POLR2F: variants seen among roughly 807,000 people sequenced by gnomAD.
POLR2F encodes DNA-directed RNA polymerases I, II, and III subunit RPABC2.
A neutral mutation model predicts 22.7 loss-of-function variants in POLR2F; 12 were observed. That is an observed-to-expected ratio of 0.53 (90% CI 0.34 to 0.86). The LOEUF is 0.86. Ranked by LOEUF, POLR2F falls within the 40% of genes least tolerant of loss-of-function variation. The pLI is 0.02. For missense variants in POLR2F, 126 were observed against 171.5 expected, an observed-to-expected ratio of 0.73 and a Z score of 1.48; for synonymous variants, 57 against 66.0, an observed-to-expected ratio of 0.86 and a Z score of 0.66.
chr22:38,007,430 G>A (rs1201186226), intron 1 of POLR2F, among the ~76,000 whole-genome samples: 2 of 152,310 alleles, frequency 1.3e-5, no homozygotes, highest in African/African-American at 2.4e-5. Context: ...ATGTCAGGGG[G>A]CAAGGTTCCA....
downstream of POLR2F, among the ~76,000 whole-genome samples, chr22:38,029,558 C>G (rs889108471): frequency 6.6e-6 from 1 of 152,198 alleles, no homozygotes; most frequent in African/African-American, 2.4e-5. Context: ...ATGGAGGCAG[C>G]ACCTGGGATG....
chr22:38,035,219 T>G (rs1335101744), intron 5 of POLR2F, among the ~76,000 whole-genome samples: 2 of 152,230 alleles, frequency 1.3e-5, no homozygotes, highest in Non-Finnish European at 2.9e-5. Context: ...TGGTGGGTTA[T>G]TCTGTAAATG....
At chr22:37,972,277 T>G (rs1195429684), downstream of POLR2F, 1 of 1,298,188 alleles carries the variant, frequency 7.7e-7, no homozygotes, top group Non-Finnish European at 1.0e-6. Flanking sequence ...GGATAAGAGA[T>G]GAAGAGACAG....
chr22:37,969,583 C>G (rs1412443140), downstream of POLR2F, among the ~76,000 whole-genome samples: 1 of 152,166 alleles, frequency 6.6e-6, no homozygotes, highest in Non-Finnish European at 1.5e-5. Context: ...CCCCTGCTCC[C>G]CACTGTGCCA....
At chr22:37,986,011 A>C (rs1490267519), upstream of POLR2F, 12 of 1,311,908 alleles carry the variant, frequency 9.1e-6, no homozygotes, top group East Asian at 2.9e-5. The surrounding 1 kb of genome is among the most constrained non-coding windows in gnomAD (Gnocchi z 4.7). Context: ...GGCGCTGCCA[A>C]CCCTCCTCCC....
Position 37,974,730 on chromosome 22 carries a change from G to T in POLR2F, c.293+7560G>T, listed in dbSNP as rs372001255. Among the ~76,000 whole-genome samples the T allele has an allele frequency of 2.0e-5, 3 of 152,250 alleles. No homozygotes were observed. Among genetic ancestry groups the T allele is most frequent in the African/African-American group, 7.2e-5 (3 of 41,534 alleles). ...TCTCAAATCTTAGGGATGGGTCCTG[G>T]GGAGGCCTGCCTCATTCTGAAAAAA... On this transcript the variant is annotated intron_variant, in intron 4 of 4. Transcript: ENST00000405557. This position sits in a 1 kb window ranked among gnomAD's most constrained non-coding sequence, Gnocchi z 5.4.
At position 37,953,715 on chromosome 22, in the gene POLR2F, G is replaced by C. The variant is rs770285284; in HGVS notation, c.-73G>C. On this transcript the variant is annotated 5_prime_UTR_variant, in exon 1 of 5. Transcript: ENST00000442738. ...GCGCAAGATAAGCTAGGAGCCGCGC[G>C]AGTCGTAGTGTCGCTGTTTGCGGGT... 1.3e-4 allele frequency: 198 copies of C among 1,554,988 alleles called. No homozygotes were observed. Among genetic ancestry groups the C allele is most frequent in the Non-Finnish European group, 1.7e-4 (194 of 1,149,280 alleles).
chr22:38,020,969 T>C (rs550661532), intron 1 of POLR2F, among the ~76,000 whole-genome samples: 16 of 152,334 alleles, frequency 1.1e-4, no homozygotes, highest in Non-Finnish European at 2.1e-4. Context: ...GTGTGCTGCC[T>C]GGTGTGAGGC....
chr22:37,983,788 G>GC (rs1569171409), upstream of POLR2F: 3 of 1,432,896 alleles, frequency 2.1e-6, no homozygotes, highest in Admixed American at 2.5e-5. The surrounding 1 kb of genome is among the most constrained non-coding windows in gnomAD (Gnocchi z 9.5). Flanking sequence ...CCGCCATGTC[G>GC]CCCCCGGCCG....
chr22:37,968,831 G>T lies in POLR2F; in HGVS notation c.*1116G>T, dbSNP rs990995993. ...TAGGTGCAGCCTGGCCCTGGGATGGGATGTGGGGAGTGAATGGTGAGGATC... is the reference window on the plus strand; with the variant it reads ...TAGGTGCAGCCTGGCCCTGGGATGGTATGTGGGGAGTGAATGGTGAGGATC... On this transcript the variant is annotated 3_prime_UTR_variant, in exon 5 of 5. Transcript: ENST00000442738. The T allele has an allele frequency of 6.1e-6, 6 of 985,498 alleles. No individual in the cohort carries two copies. The African/African-American group carries it at 1.0e-4, about 17-fold the overall frequency. The allele number at this position is 985,498 out of a possible 1,614,324, so 61.0% of individuals were successfully genotyped here. A position where few individuals can be genotyped will look rare whatever the true frequency, so the allele number is the denominator to read the frequency against.
chr22:38,035,545 C>T (rs1229154078), intron 5 of POLR2F, among the ~76,000 whole-genome samples: 3 of 152,172 alleles, frequency 2.0e-5, no homozygotes, highest in Non-Finnish European at 4.4e-5. Flanking sequence ...CTCGTGTCCT[C>T]GGGGCCATGC....
chr22:38,033,520 C>T (rs1200836566), intron 5 of POLR2F, among the ~76,000 whole-genome samples: 1 of 152,362 alleles, frequency 6.6e-6, no homozygotes, highest in African/African-American at 2.4e-5. Context: ...GCTGGGAACT[C>T]CAGGACCAAT....
At chr22:38,003,469 C>T (rs1311372936) in intron 1 of POLR2F, among the ~76,000 whole-genome samples, 1 of 151,888 alleles carries the variant, frequency 6.6e-6, no homozygotes, top group Non-Finnish European at 1.5e-5. Flanking sequence ...TCAAGTGATC[C>T]GCCCACCTCG....
At chr22:38,023,312 T>C (rs1480454720) in intron 1 of POLR2F, among the ~76,000 whole-genome samples, 1 of 152,162 alleles carries the variant, frequency 6.6e-6, no homozygotes, top group African/African-American at 2.4e-5. Context: ...CAGCATCTGC[T>C]TGAAGGACGT....
In POLR2F at chr22:37,969,254, C is replaced by G; in HGVS notation, c.*1539C>G. 1 of 985,122 alleles carries G rather than the reference C, an allele frequency of 1.0e-6. No individual in the cohort carries two copies. The highest frequency in any genetic ancestry group is 1.2e-6 in the Non-Finnish European group (1 of 829,660). 61.0% of individuals were successfully genotyped at this position (985,122 alleles called of 1,614,324 possible). ...TTCTCCTCTTTTGGGGAGTCCCCTGCTATTCAGCTGTCTGGGCCTGGCTTT... is the reference window on the plus strand; with the variant it reads ...TTCTCCTCTTTTGGGGAGTCCCCTGGTATTCAGCTGTCTGGGCCTGGCTTT... On this transcript the variant is annotated 3_prime_UTR_variant, in exon 5 of 5. Transcript: ENST00000442738.
At position 38,037,370 on chromosome 22, in the gene POLR2F, C is replaced by T. The variant is rs2009099; in HGVS notation, c.453-3698C>T. ...CTCACTGCAGCCTTGAACTCCTGGG[C>T]TCAAGCGATCCTCCCGCCTCAGCCT... On this transcript the variant is annotated intron_variant, in intron 5 of 5. Transcript: ENST00000407936. Among the ~76,000 whole-genome samples the T allele has an allele frequency of 4.9e-3, 741 of 151,974 alleles. 6 individuals carry two copies. The highest frequency in any genetic ancestry group is 0.017 in the African/African-American group (716 of 41,428).
At chr22:37,992,888 T>G (rs1932752491) in intron 1 of POLR2F, among the ~76,000 whole-genome samples, 1 of 152,210 alleles carries the variant, frequency 6.6e-6, no homozygotes, top group Non-Finnish European at 1.5e-5. Context: ...TGGACATGTC[T>G]GCTGTGACAT....
chr22:37,998,540 C>G (rs1222419577), intron 1 of POLR2F, among the ~76,000 whole-genome samples: 2 of 152,160 alleles, frequency 1.3e-5, no homozygotes, highest in Non-Finnish European at 2.9e-5. Flanking sequence ...GCTGTCCCAC[C>G]CTGGGGACTT....
intron 1 of POLR2F, chr22:37,987,903 A>G (rs1313431541): frequency 6.5e-6 from 1 of 153,224 alleles, no homozygotes; most frequent in African/African-American, 2.4e-5. Flanking sequence ...AGTGCTTCTC[A>G]AATGGGAAGG....
Sources: gnomAD v4.1 joint callset for allele counts (sites outside exome capture counted in the v4.1 genomes callset) on GRCh38, gnomAD v4.1.1 for gene constraint, Gnocchi (gnomAD v3.1) non-coding constraint, MANE v1.5 for transcripts, NCBI Gene and HGNC (gene_info 2026-07-23, HGNC 2026-07-21) for gene names.